The following MALRD1 variants were observed in gnomAD, a reference collection of about 807,000 sequenced individuals.
MALRD1 encodes MAM and LDL-receptor class A domain-containing protein 1.
Under a neutral mutation model 242.1 loss-of-function variants are expected in MALRD1, and 247 were observed. The ratio of observed to expected loss-of-function variants is 1.02; its 90% CI spans 0.92 to 1.13. The LOEUF (loss-of-function observed/expected upper bound fraction) is 1.13. Among genes scored for constraint, MALRD1 ranks in the 50% most tolerant of loss-of-function variants. The pLI, the probability that MALRD1 is intolerant of heterozygous loss-of-function variation, is 0.00. For missense variants in MALRD1, 2,989 were observed against 2,533.1 expected, an observed-to-expected ratio of 1.18 and a Z score of -3.86; for synonymous variants, 995 against 866.6, an observed-to-expected ratio of 1.15 and a Z score of -2.60.
At chr10:19,304,733 T>G (rs1754624709) in intron 21 of MALRD1, among the ~76,000 whole-genome samples, 1 of 151,746 alleles carries the variant, frequency 6.6e-6, no homozygotes, top group Non-Finnish European at 1.5e-5. Flanking sequence ...CAAAATAGAT[T>G]TTAGTACTTG....
intron 19 of MALRD1, among the ~76,000 whole-genome samples, chr10:19,258,790 A>G (rs1055864953): frequency 9.2e-5 from 14 of 152,144 alleles, no homozygotes; most frequent in South Asian, 4.1e-4. Flanking sequence ...AACAAGAGGC[A>G]GAATTGAACA....
At chr10:19,579,918 C>A (rs749702254) in intron 33 of MALRD1, among the ~76,000 whole-genome samples, 5 of 152,160 alleles carry the variant, frequency 3.3e-5, no homozygotes, top group South Asian at 2.1e-4. Flanking sequence ...ATAAACTTTG[C>A]AGTCAATATG....
intron 5 of MALRD1, among the ~76,000 whole-genome samples, chr10:19,113,357 C>G (rs1836748293): frequency 6.6e-6 from 1 of 152,162 alleles, no homozygotes; most frequent in South Asian, 2.1e-4. Flanking sequence ...CTTGTGAGTT[C>G]AGCAACGCAG....
At chr10:19,492,992 G>T (rs1837557541) in intron 30 of MALRD1, among the ~76,000 whole-genome samples, 1 of 152,010 alleles carries the variant, frequency 6.6e-6, no homozygotes, top group South Asian at 2.1e-4. Context: ...TTAAAAAGCT[G>T]TGGTAAAAAA....
At chr10:19,413,563 G>GAAAAAA (rs35885572) in intron 28 of MALRD1, among the ~76,000 whole-genome samples, 1 of 150,510 alleles carries the variant, frequency 6.6e-6, no homozygotes. Flanking sequence ...TTTTAATCAT[G>GAAAAAA]AAAAAAAAAG....
chr10:19,307,841 A>C (rs1184568870), intron 21 of MALRD1, among the ~76,000 whole-genome samples: 1 of 151,568 alleles, frequency 6.6e-6, no homozygotes, highest in Non-Finnish European at 1.5e-5. Context: ...TTAATTGACA[A>C]ATAATAATTG....
chr10:19,279,101 G>A (rs1037037288), intron 19 of MALRD1, among the ~76,000 whole-genome samples: 10 of 152,172 alleles, frequency 6.6e-5, no homozygotes, highest in African/African-American at 2.4e-4. Context: ...ATGCACAGAG[G>A]AGGAGAGGTC....
chr10:19,263,666 C>A (rs12413103), intron 19 of MALRD1, among the ~76,000 whole-genome samples: 10,929 of 152,178 alleles, frequency 0.072, 448 homozygotes, highest in East Asian at 0.17. Flanking sequence ...ATATCCATTT[C>A]TTTAATACCA....
chr10:19,705,804 T>TAAAAAAAAAAAAAAAAAA lies in MALRD1; in HGVS notation c.6314+13264_6314+13265insAAAAAAAAAAAAAAAAAA, dbSNP rs61437328. Among the ~76,000 whole-genome samples the TAAAAAAAAAAAAAAAAAA allele has an allele frequency of 4.2e-4, 43 of 102,840 alleles. 2 individuals are homozygous for TAAAAAAAAAAAAAAAAAA. Among genetic ancestry groups the TAAAAAAAAAAAAAAAAAA allele is most frequent in the African/African-American group, 1.8e-3 (37 of 20,996 alleles). 67.5% of individuals were successfully genotyped at this position (102,840 alleles called of 152,430 possible). ...ACCTTGTTCTCATGTCCTGCAATAG[T>TAAAAAAAAAAAAAAAAAA]AAAAAAAAAAAAAAGCCCACAAGAG... On this transcript the variant is annotated intron_variant, in intron 38 of 39. Coordinates refer to ENST00000454679, the MANE Select transcript of MALRD1 (RefSeq NM_001142308.3).
Position 19,572,801 on chromosome 10 carries a change from C to T in MALRD1, c.5680+5098C>T, listed in dbSNP as rs142147304. Among the ~76,000 whole-genome samples, 3 of 152,082 alleles carry T rather than the reference C, an allele frequency of 2.0e-5. No individual in the cohort carries two copies. In the South Asian group the frequency reaches 6.2e-4, roughly 32 times the overall value. On this transcript the variant is annotated intron_variant, in intron 33 of 39. Transcript: ENST00000454679. ...ATGAAGGGGGCAGAGATTGGAGTAA[C>T]TCATCTACAAGCCAGGGAATGCCCA...
chr10:19,526,594 A>G (rs1224552087), intron 31 of MALRD1, among the ~76,000 whole-genome samples: 1 of 152,068 alleles, frequency 6.6e-6, no homozygotes, highest in African/African-American at 2.4e-5. Flanking sequence ...AGACTGCACA[A>G]TTTTGTAAGA....
intron 18 of MALRD1, among the ~76,000 whole-genome samples, chr10:19,216,509 C>G (rs1837320987): frequency 6.6e-6 from 1 of 152,136 alleles, no homozygotes; most frequent in Admixed American, 6.6e-5. Flanking sequence ...TTCCTTTCAT[C>G]TTTCCTATTT....
chr10:19,648,824 A>G (rs976768612), intron 36 of MALRD1, among the ~76,000 whole-genome samples: 10 of 152,270 alleles, frequency 6.6e-5, no homozygotes, highest in African/African-American at 1.9e-4. Context: ...TTTGTTGTAC[A>G]TAATATTTCA....
In MALRD1 at chr10:19,323,937, T is replaced by G. The variant is rs1285944266; in HGVS notation, c.3420-12T>G. 3 of 1,550,072 alleles carry G rather than the reference T, an allele frequency of 1.9e-6. No homozygotes were observed. Among genetic ancestry groups the G allele is most frequent in the Admixed American group, 3.9e-5 (2 of 50,946 alleles). On this transcript the variant is annotated splice_polypyrimidine_tract_variant and intron_variant, in intron 21 of 39. Transcript: ENST00000454679. The stretch of plus-strand genomic sequence containing the variant: ...CTTATTCCTTTTATAATATGATAAA[T>G]TCCTTTTCCAGAAATACCACTGATG...
At chr10:19,540,918 C>T (rs984068647) in intron 32 of MALRD1, among the ~76,000 whole-genome samples, 7 of 152,110 alleles carry the variant, frequency 4.6e-5, no homozygotes, top group African/African-American at 1.7e-4. Context: ...AATTTGAGAC[C>T]AGCCTGGGCA....
chr10:19,079,262 A>G (rs541609697), intron 2 of MALRD1, among the ~76,000 whole-genome samples: 1 of 151,874 alleles, frequency 6.6e-6, no homozygotes, highest in South Asian at 2.1e-4. Context: ...GGAGACTATT[A>G]TTTAATTCTA....
intron 26 of MALRD1, among the ~76,000 whole-genome samples, chr10:19,356,121 C>T (rs1276674512): frequency 6.6e-6 from 1 of 151,468 alleles, no homozygotes; most frequent in African/African-American, 2.4e-5. Context: ...CCAACTACCA[C>T]TACAGTAGTT....
At chr10:19,641,272 G>A (rs1388376173) in intron 36 of MALRD1, among the ~76,000 whole-genome samples, 1 of 152,068 alleles carries the variant, frequency 6.6e-6, no homozygotes, top group Non-Finnish European at 1.5e-5. Context: ...CAACACTGAA[G>A]ATATTATAGA....
intron 10 of MALRD1, among the ~76,000 whole-genome samples, chr10:19,139,072 A>T (rs1281564099): frequency 6.6e-6 from 1 of 152,226 alleles, no homozygotes; most frequent in African/African-American, 2.4e-5. Flanking sequence ...TGTCATAAAA[A>T]TGTAGCCATA....
Sources: gnomAD v4.1 joint callset for allele counts (sites outside exome capture counted in the v4.1 genomes callset) on GRCh38, gnomAD v4.1.1 for gene constraint, MANE v1.5 for transcripts, NCBI Gene and HGNC (gene_info 2026-07-23, HGNC 2026-07-21) for gene names.